WWOX: variants seen among roughly 807,000 people sequenced by gnomAD.
The protein encoded by WWOX is WW domain-containing oxidoreductase.
In WWOX, 69 loss-of-function variants were observed where a neutral mutation model predicts 46.2. The ratio of observed to expected loss-of-function variants is 1.49; its 90% CI spans 1.23 to 1.82. WWOX has a LOEUF of 1.82. Among genes scored for constraint, WWOX ranks in the 40% most tolerant of loss-of-function variants. The probability of loss-of-function intolerance (pLI) is 0.00; values close to 1 mark genes in which losing one functional copy is unlikely to be tolerated. For missense variants in WWOX, 919 were observed against 542.6 expected, an observed-to-expected ratio of 1.69 and a Z score of -6.89; for synonymous variants, 359 against 202.6, an observed-to-expected ratio of 1.77 and a Z score of -6.56.
Position 78,465,571 on chromosome 16 carries a change from G to A in WWOX, c.1056+32819G>A, listed in dbSNP as rs185882491. The stretch of plus-strand genomic sequence containing the variant: ...GTCCCTGAATGATACCTTTTCATTA[G>A]TAACTCACATGGACCCATAATCTCT... On this transcript the variant is annotated intron_variant, in intron 8 of 8. Coordinates refer to ENST00000566780, the MANE Select transcript of WWOX (RefSeq NM_016373.4). Among the ~76,000 whole-genome samples, 1,251 of 152,320 alleles carry A rather than the reference G, an allele frequency of 8.2e-3. 16 individuals carry two copies. Among genetic ancestry groups the A allele is most frequent in the Non-Finnish European group, 8.9e-3 (606 of 68,028 alleles).
intron 5 of WWOX, among the ~76,000 whole-genome samples, chr16:78,172,172 T>C (rs1294641549): frequency 6.6e-6 from 1 of 152,174 alleles, no homozygotes; most frequent in African/African-American, 2.4e-5. Flanking sequence ...TGCATTTATT[T>C]GTATGAATAC....
intron 8 of WWOX, among the ~76,000 whole-genome samples, chr16:78,724,659 C>T (rs903126302): frequency 1.3e-5 from 2 of 152,230 alleles, no homozygotes; most frequent in African/African-American, 4.8e-5. Context: ...CATGCAATTC[C>T]CTCTCAGTTT....
chr16:78,743,464 G>T (rs187966936), intron 8 of WWOX, among the ~76,000 whole-genome samples: 3 of 142,850 alleles, frequency 2.1e-5, no homozygotes, highest in Non-Finnish European at 4.7e-5. Flanking sequence ...ATTTAGAGAA[G>T]AAATTAGAAA....
At chr16:78,633,903 T>G (rs2046501681) in intron 8 of WWOX, among the ~76,000 whole-genome samples, 2 of 151,882 alleles carry the variant, frequency 1.3e-5, no homozygotes, top group Non-Finnish European at 2.9e-5. Context: ...GGTGTTTTTT[T>G]TTTTTTTTTT....
intron 8 of WWOX, among the ~76,000 whole-genome samples, chr16:78,892,690 A>G (rs2044617203): frequency 6.6e-6 from 1 of 152,180 alleles, no homozygotes; most frequent in African/African-American, 2.4e-5. Context: ...GTGAGGATCC[A>G]TTGTCTTTTG....
At chr16:78,923,545 C>G (rs1424425297) in intron 8 of WWOX, among the ~76,000 whole-genome samples, 1 of 151,964 alleles carries the variant, frequency 6.6e-6, no homozygotes, top group South Asian at 2.1e-4. Flanking sequence ...ATTCTACATA[C>G]ATAATATATA....
intron 8 of WWOX, among the ~76,000 whole-genome samples, chr16:78,796,170 CT>C (rs1281400317): frequency 3.3e-5 from 5 of 152,218 alleles, no homozygotes; most frequent in African/African-American, 1.2e-4. Flanking sequence ...TCAGGATTGA[CT>C]TAACTGTTAA....
chr16:78,344,770 G>T (rs1005166691), intron 5 of WWOX, among the ~76,000 whole-genome samples: 1 of 121,836 alleles, frequency 8.2e-6, no homozygotes, highest in Admixed American at 7.9e-5. Flanking sequence ...CCCTGATAAA[G>T]CTGTACTTTC....
chr16:78,756,120 G>C (rs914879039), intron 8 of WWOX, among the ~76,000 whole-genome samples: 1 of 152,150 alleles, frequency 6.6e-6, no homozygotes, highest in South Asian at 2.1e-4. Flanking sequence ...GGGGAGGAGA[G>C]AGTATATAAA....
At chr16:78,529,491 G>C (rs1011545879) in intron 8 of WWOX, among the ~76,000 whole-genome samples, 3 of 151,956 alleles carry the variant, frequency 2.0e-5, no homozygotes, top group African/African-American at 7.3e-5. Flanking sequence ...TTTTGAGATG[G>C]AGTCTTGCAC....
At chr16:78,451,129 C>G (rs906809961) in intron 8 of WWOX, among the ~76,000 whole-genome samples, 2 of 152,112 alleles carry the variant, frequency 1.3e-5, no homozygotes, top group Non-Finnish European at 2.9e-5. Flanking sequence ...CTGTTGGGTT[C>G]TTAGTTGAAC....
chr16:78,444,623 C>T (rs374909380), intron 8 of WWOX, among the ~76,000 whole-genome samples: 54 of 151,658 alleles, frequency 3.6e-4, no homozygotes, highest in African/African-American at 9.2e-4. Flanking sequence ...CTCTGCCTCC[C>T]GGGTTCAAGC....
chr16:79,112,471 C>T lies in WWOX; in HGVS notation c.1057-99137C>T, dbSNP rs140802513. ...GGCTTCCAGCTTCCCCAGATGCCTG[C>T]GTGCCTTTTGACCCTTCTCCTTCCC... is the stretch of plus-strand genomic sequence containing the variant. On this transcript the variant is annotated intron_variant, in intron 8 of 8. Transcript: ENST00000566780. 2.4e-4 allele frequency among the ~76,000 whole-genome samples: 36 copies of T among 152,228 alleles called. 1 individual carries two copies. In the East Asian group the frequency reaches 6.4e-3, roughly 27 times the overall value.
chr16:78,509,992 G>C (rs907902268), intron 8 of WWOX, among the ~76,000 whole-genome samples: 1 of 151,894 alleles, frequency 6.6e-6, no homozygotes, highest in Non-Finnish European at 1.5e-5. Context: ...CCCAGCTTCT[G>C]GGGATGCTGC....
chr16:79,150,162 G>C (rs1329811071), intron 8 of WWOX, among the ~76,000 whole-genome samples: 1 of 152,188 alleles, frequency 6.6e-6, no homozygotes, highest in Non-Finnish European at 1.5e-5. Flanking sequence ...TTTAGCAGAA[G>C]ATTAAAAATG....
At chr16:78,147,573 C>G (rs1216417213) in intron 4 of WWOX, among the ~76,000 whole-genome samples, 3 of 151,708 alleles carry the variant, frequency 2.0e-5, no homozygotes, top group Non-Finnish European at 4.4e-5. Context: ...ACTTTGGTAG[C>G]ATAAAGACTT....
At chr16:78,310,938 A>G (rs929252565) in intron 5 of WWOX, among the ~76,000 whole-genome samples, 67 of 152,168 alleles carry the variant, frequency 4.4e-4, no homozygotes, top group African/African-American at 1.5e-3. Context: ...ATCGGAGTGG[A>G]TGCTTGGGAA....
chr16:79,212,277 A>AAGAC lies in WWOX; in HGVS notation c.*482_*485dup. The stretch of plus-strand genomic sequence containing the variant: ...GATAATTGTTTCATTCATCCTGACC[A>AAGAC]AGACTGAGCCAGCTTAGCAACTGCT... On this transcript the variant is annotated 3_prime_UTR_variant, in exon 9 of 9. Coordinates refer to ENST00000566780, the MANE Select transcript of WWOX (RefSeq NM_016373.4). The AAGAC allele has an allele frequency of 8.3e-7, 1 of 1,200,398 alleles. No individual in the cohort carries two copies. The highest frequency in any genetic ancestry group is 1.5e-5 in the African/African-American group (1 of 64,930). 74.4% of individuals were successfully genotyped at this position (1,200,398 alleles called of 1,614,324 possible).
chr16:78,530,277 C>G (rs766830585), intron 8 of WWOX, among the ~76,000 whole-genome samples: 13 of 152,156 alleles, frequency 8.5e-5, no homozygotes, highest in Non-Finnish European at 1.8e-4. Context: ...AGTGGAGGGT[C>G]AGCGTGACAG....
Sources: allele counts gnomAD v4.1 joint callset (sites outside exome capture counted in the v4.1 genomes callset), GRCh38; gene constraint gnomAD v4.1.1; transcripts MANE v1.5; gene names NCBI Gene and HGNC (gene_info 2026-07-23, HGNC 2026-07-21).